The following LMNTD1 variants were observed in gnomAD, a reference collection of about 807,000 sequenced individuals.
LMNTD1 encodes the protein lamin tail domain containing 1, also known as lamin tail domain-containing protein 1.
A neutral mutation model predicts 50.9 loss-of-function variants in LMNTD1; 35 were observed. That is an observed-to-expected ratio of 0.69 (90% CI 0.53 to 0.91). The LOEUF is 0.91. Ranked by LOEUF, LMNTD1 falls within the 40% of genes least tolerant of loss-of-function variation. The probability of loss-of-function intolerance (pLI) is 0.00; values close to 1 mark genes in which losing one functional copy is unlikely to be tolerated. For missense variants in LMNTD1, 470 were observed against 475.5 expected (o/e 0.99, Z 0.11); for synonymous variants, 153 against 161.9 (o/e 0.94, Z 0.42).
At chr12:25,494,672 T>G (rs1233041265) in intron 9 of LMNTD1, among the ~76,000 whole-genome samples, 1 of 151,854 alleles carries the variant, frequency 6.6e-6, no homozygotes, top group Non-Finnish European at 1.5e-5. Context: ...AGTCACATTA[T>G]TTTTTTCCCC....
At chr12:25,557,196 C>A (rs1241760160), upstream of LMNTD1, 1 of 152,196 alleles carries the variant, frequency 6.6e-6, no homozygotes, top group Non-Finnish European at 1.5e-5. Flanking sequence ...TTACACAGAT[C>A]CACGTGTAAT....
At chr12:25,593,299 G>A (rs1302650956) in intron 1 of LMNTD1, among the ~76,000 whole-genome samples, 1 of 152,170 alleles carries the variant, frequency 6.6e-6, no homozygotes, top group East Asian at 1.9e-4. Flanking sequence ...GACCCTTACA[G>A]AGCACATTTT....
chr12:25,555,691 A>G (rs1944010309), upstream of LMNTD1, among the ~76,000 whole-genome samples: 1 of 152,234 alleles, frequency 6.6e-6, no homozygotes, highest in Admixed American at 6.5e-5. Context: ...TACAGACAGT[A>G]GGAAGCAGAT....
chr12:25,585,513 C>T (rs1435240443), intron 1 of LMNTD1, among the ~76,000 whole-genome samples: 1 of 152,160 alleles, frequency 6.6e-6, no homozygotes, highest in Non-Finnish European at 1.5e-5. Flanking sequence ...TTTCAGCAAC[C>T]ACATGTAGGC....
intron 8 of LMNTD1, among the ~76,000 whole-genome samples, chr12:25,513,364 T>C (rs191081636): frequency 6.6e-6 from 1 of 152,308 alleles, no homozygotes; most frequent in East Asian, 1.9e-4. Context: ...ACAACCCATG[T>C]GGCCAGGCAC....
intron 1 of LMNTD1, among the ~76,000 whole-genome samples, chr12:25,624,405 T>C (rs1302031757): frequency 6.6e-6 from 1 of 152,100 alleles, no homozygotes; most frequent in Non-Finnish European, 1.5e-5. Flanking sequence ...TCCATAACTG[T>C]GATATAGAGC....
rs1382990543 is a variant in LMNTD1 at position 25,549,510 on chromosome 12, A to G, written c.126T>C (p.His42=). The G allele has an allele frequency of 6.2e-6, 10 of 1,612,370 alleles. No individual in the cohort carries two copies. In the Admixed American group the frequency reaches 1.0e-4, roughly 16 times the overall value. ...CTGAACCCAACATCTTTGGGGAAAA[A>G]TGTACTAAAGAATATACTCCAAGTT... ...EDKLGVYSLV[H]FSPKMLGSVA... Residue 42 remains histidine (H), a synonymous_variant, in exon 3 of 10, where the codon CAT becomes CAC. Transcript: ENST00000458174.
At chr12:25,629,618 G>T (rs1204643412) in intron 1 of LMNTD1, among the ~76,000 whole-genome samples, 2 of 152,176 alleles carry the variant, frequency 1.3e-5, no homozygotes, top group Non-Finnish European at 2.9e-5. Flanking sequence ...TAAAAACAAA[G>T]AGCTCTGTAT....
intron 9 of LMNTD1, among the ~76,000 whole-genome samples, chr12:25,484,281 A>G (rs182868116): frequency 3.3e-4 from 50 of 151,954 alleles, no homozygotes; most frequent in African/African-American, 1.2e-3. Flanking sequence ...TTGTTGTTTT[A>G]AGAGACAGGG....
In LMNTD1 at chr12:25,519,994, C is replaced by T; in HGVS notation, c.880G>A (p.Val294Ile). Reference protein sequence around the residue: ...DADVEFNRCSVVSPTFRKRVF... With the variant: ...DADVEFNRCSIVSPTFRKRVF... ...CGCTTTCGGAATGTTGGAGATACTACTGAACATCTGTTAAATTCAACGTCA... is the reference window on the plus strand; with the variant it reads ...CGCTTTCGGAATGTTGGAGATACTATTGAACATCTGTTAAATTCAACGTCA... The change falls in exon 7 of 10, where the codon GTA (valine) becomes ATA (isoleucine). Residue 294 changes from valine (V) to isoleucine (I), a missense_variant. By Grantham distance (29) the Val-to-Ile change is conservative. Transcript: ENST00000458174. 3 of 1,613,746 alleles carry T rather than the reference C, an allele frequency of 1.9e-6. No individual in the cohort carries two copies. The highest frequency in any genetic ancestry group is 2.5e-6 in the Non-Finnish European group (3 of 1,179,874).
intron 6 of LMNTD1, among the ~76,000 whole-genome samples, chr12:25,521,944 A>C (rs144493726): frequency 0.02 from 3,077 of 152,294 alleles, 80 homozygotes; most frequent in African/African-American, 0.058. Flanking sequence ...TCCTGTATAG[A>C]CACTAACAGT....
intron 1 of LMNTD1, among the ~76,000 whole-genome samples, chr12:25,601,416 T>C (rs1945971046): frequency 1.3e-5 from 2 of 151,910 alleles, no homozygotes; most frequent in African/African-American, 2.4e-5. Context: ...GGGGTGACTA[T>C]AGTCAATAAT....
intron 9 of LMNTD1, among the ~76,000 whole-genome samples, chr12:25,489,592 G>C (rs1393883196): frequency 2.7e-5 from 4 of 150,644 alleles, no homozygotes; most frequent in East Asian, 1.9e-4. Context: ...AGTCTTCTGC[G>C]TCGCTCACGC....
intron 4 of LMNTD1, among the ~76,000 whole-genome samples, chr12:25,527,668 A>ATATATATAT (rs1454648260): frequency 1.4e-3 from 30 of 21,336 alleles, no homozygotes; most frequent in African/African-American, 3.3e-3. Context: ...ATATATATAT[A>ATATATATAT]TATATATATA....
intron 9 of LMNTD1, among the ~76,000 whole-genome samples, chr12:25,479,990 T>C (rs1938395866): frequency 6.6e-6 from 1 of 152,162 alleles, no homozygotes; most frequent in East Asian, 1.9e-4. Flanking sequence ...GACAACTTTG[T>C]TCACAGGACC....
At chr12:25,564,457 C>T (rs910346834) in intron 1 of LMNTD1, among the ~76,000 whole-genome samples, 3 of 152,144 alleles carry the variant, frequency 2.0e-5, no homozygotes, top group Non-Finnish European at 2.9e-5. Context: ...CATGGTTTCA[C>T]CCTGTTGGCC....
intron 9 of LMNTD1, among the ~76,000 whole-genome samples, chr12:25,488,627 T>G (rs1252992013): frequency 6.6e-6 from 1 of 151,714 alleles, no homozygotes; most frequent in Non-Finnish European, 1.5e-5. Flanking sequence ...CCTTCTTCTC[T>G]CAGCTCGTCA....
In LMNTD1 at chr12:25,553,125, T is replaced by C; in HGVS notation, c.-87A>G. 1 of 1,612,394 alleles carries C rather than the reference T, an allele frequency of 6.2e-7. No individual in the cohort carries two copies. The highest frequency in any genetic ancestry group is 8.5e-7 in the Non-Finnish European group (1 of 1,179,878). On this transcript the variant is annotated 5_prime_UTR_variant, in exon 1 of 10. Coordinates refer to ENST00000458174, the MANE Select transcript of LMNTD1 (RefSeq NM_001145728.2). Reference sequence around the variant, plus strand: ...AGGTTTAATAATTTCTTTACCAAACTAGTACCAGAACCACAATTCTCATGA... The same window carrying C: ...AGGTTTAATAATTTCTTTACCAAACCAGTACCAGAACCACAATTCTCATGA...
At chr12:25,646,032 A>G (rs1592134917) in intron 1 of LMNTD1, among the ~76,000 whole-genome samples, 1 of 152,090 alleles carries the variant, frequency 6.6e-6, no homozygotes. Flanking sequence ...TGGTTATTGC[A>G]TTGTATCTAA....
Sources: allele counts gnomAD v4.1 joint callset (sites outside exome capture counted in the v4.1 genomes callset), GRCh38; gene constraint gnomAD v4.1.1; transcripts MANE v1.5; gene names NCBI Gene and HGNC (gene_info 2026-07-23, HGNC 2026-07-21).